TMEM132B: variants seen among roughly 807,000 people sequenced by gnomAD.
TMEM132B encodes the protein transmembrane protein 132B.
Under a neutral mutation model 90.8 loss-of-function variants are expected in TMEM132B, and 18 were observed. The ratio of observed to expected loss-of-function variants is 0.20; its 90% confidence interval spans 0.14 to 0.29. The LOEUF is 0.29. TMEM132B is among the 10% of genes least tolerant of loss of function. The pLI, the probability that TMEM132B is intolerant of heterozygous loss-of-function variation, is 1.00. For missense variants in TMEM132B, 1,096 were observed against 1,326.8 expected (o/e 0.83, Z 2.70); for synonymous variants, 504 against 523.3 (o/e 0.96, Z 0.50).
At chr12:125,395,576 A>G (rs1413772062) in intron 2 of TMEM132B, among the ~76,000 whole-genome samples, 1 of 152,236 alleles carries the variant, frequency 6.6e-6, no homozygotes, top group Admixed American at 6.5e-5. Flanking sequence ...TACAGACGGT[A>G]AAGTTATGTG....
At chr12:125,563,146 CGTA>C (rs1318514136) in intron 4 of TMEM132B, among the ~76,000 whole-genome samples, 1,171 of 92,528 alleles carry the variant, frequency 0.013, 9 homozygotes, top group South Asian at 0.037. Flanking sequence ...CACCATAATG[CGTA>C]ATAATAATAA....
chr12:125,238,366 C>CAAAAAAAAAAAAAAAAAA (rs762032967), intron 1 of TMEM132B, among the ~76,000 whole-genome samples: 11 of 111,574 alleles, frequency 9.9e-5, no homozygotes, highest in Non-Finnish European at 1.3e-4. Context: ...AAAAAAAAAC[C>CAAAAAAAAAAAAAAAAAA]AAAAAAAAAA....
chr12:125,346,061 C>T (rs903688335), intron 1 of TMEM132B, among the ~76,000 whole-genome samples: 2 of 152,096 alleles, frequency 1.3e-5, no homozygotes, highest in African/African-American at 2.4e-5. Flanking sequence ...TGGTAGCTGA[C>T]GTTTATGGCT....
At chr12:125,612,378 G>A (rs535589678) in intron 5 of TMEM132B, among the ~76,000 whole-genome samples, 13 of 151,650 alleles carry the variant, frequency 8.6e-5, no homozygotes, top group African/African-American at 2.7e-4. Context: ...CAGGAGAATC[G>A]CTTGAACCCG....
intron 3 of TMEM132B, among the ~76,000 whole-genome samples, chr12:125,423,161 A>G (rs77233637): frequency 0.021 from 3,124 of 152,318 alleles, 96 homozygotes; most frequent in African/African-American, 0.07. Context: ...CCTGGGAGAC[A>G]TGAATGAATG....
chr12:125,314,085 G>C (rs139839002), intron 1 of TMEM132B, among the ~76,000 whole-genome samples: 1 of 152,038 alleles, frequency 6.6e-6, no homozygotes, highest in Non-Finnish European at 1.5e-5. Flanking sequence ...CCTGGGCGGC[G>C]TGCGAACTCA....
At chr12:125,352,381 C>T (rs1877616278) in intron 2 of TMEM132B, among the ~76,000 whole-genome samples, 1 of 152,172 alleles carries the variant, frequency 6.6e-6, no homozygotes. Context: ...AAGTAGGGGA[C>T]TTCTATGTGC....
chr12:125,243,912 G>A (rs539425617), intron 1 of TMEM132B, among the ~76,000 whole-genome samples: 1 of 152,088 alleles, frequency 6.6e-6, no homozygotes, highest in East Asian at 1.9e-4. Context: ...AGCAGTCACC[G>A]CCAACGCCCC....
intron 1 of TMEM132B, among the ~76,000 whole-genome samples, chr12:125,260,289 C>T (rs945504742): frequency 6.6e-6 from 1 of 152,188 alleles, no homozygotes; most frequent in Admixed American, 6.5e-5. Context: ...TGAAATAGTT[C>T]CAGGGTTTGC....
At chr12:125,297,458 A>G (rs1401409509) in intron 1 of TMEM132B, among the ~76,000 whole-genome samples, 6 of 152,142 alleles carry the variant, frequency 3.9e-5, no homozygotes, top group Non-Finnish European at 5.9e-5. Context: ...TCCCAACACC[A>G]TCCATCCTCC....
At chr12:125,624,247 A>G (rs1004619377) in intron 5 of TMEM132B, among the ~76,000 whole-genome samples, 1 of 152,122 alleles carries the variant, frequency 6.6e-6, no homozygotes. Context: ...AGCTAGGGAG[A>G]TCTTTTGGAA....
rs74824119 is a variant in TMEM132B, at chr12:125,546,702, G to A, written c.1293+27077G>A. ...TATTCACTAGTTGAAGGACATTTGG[G>A]TTGCTTCCAGTTTTTATTACTAAAG... On this transcript the variant is annotated intron_variant, in intron 4 of 8. Transcript: ENST00000682704. Among the ~76,000 whole-genome samples, 5 of 152,214 alleles carry A rather than the reference G, an allele frequency of 3.3e-5. No homozygotes were observed. The South Asian group carries it at 1.0e-3, about 32-fold the overall frequency.
At chr12:125,571,906 C>T (rs147620181) in intron 4 of TMEM132B, among the ~76,000 whole-genome samples, 1,776 of 152,270 alleles carry the variant, frequency 0.012, 17 homozygotes, top group South Asian at 0.038. Flanking sequence ...TCTATTATTG[C>T]ACTAATATCC....
At chr12:125,517,167 CTT>C (rs371346721) in intron 3 of TMEM132B, among the ~76,000 whole-genome samples, 12,432 of 144,468 alleles carry the variant, frequency 0.086, 708 homozygotes, top group Non-Finnish European at 0.13. Context: ...CTCTCTCTCT[CTT>C]TTTTTTTTTT....
At chr12:125,572,335 A>G (rs572263141) in intron 4 of TMEM132B, among the ~76,000 whole-genome samples, 5 of 152,344 alleles carry the variant, frequency 3.3e-5, no homozygotes, top group East Asian at 1.9e-4. Flanking sequence ...CTCTGCCCTC[A>G]TGGATGAATT....
intron 1 of TMEM132B, among the ~76,000 whole-genome samples, chr12:125,299,558 C>A (rs995773684): frequency 7.2e-5 from 11 of 152,236 alleles, no homozygotes; most frequent in African/African-American, 2.7e-4. Flanking sequence ...CTAGAGCCTT[C>A]AGGAGCCACC....
At chr12:125,389,980 T>C (rs1878962511) in intron 2 of TMEM132B, among the ~76,000 whole-genome samples, 1 of 152,238 alleles carries the variant, frequency 6.6e-6, no homozygotes, top group Non-Finnish European at 1.5e-5. Flanking sequence ...CCTGTGTAAC[T>C]GTCACTCCGT....
chr12:125,224,934 T>G (rs1873643989), intron 1 of TMEM132B, among the ~76,000 whole-genome samples: 1 of 152,240 alleles, frequency 6.6e-6, no homozygotes, highest in Non-Finnish European at 1.5e-5. Flanking sequence ...GCATTCTTTC[T>G]TTCCTAACAG....
At chr12:125,281,735 G>C (rs1195861355) in intron 1 of TMEM132B, among the ~76,000 whole-genome samples, 1 of 152,108 alleles carries the variant, frequency 6.6e-6, no homozygotes. Flanking sequence ...CCTGTGTTAA[G>C]AAGACTTTTG....
Sources: gnomAD v4.1 joint callset for allele counts (sites outside exome capture counted in the v4.1 genomes callset) on GRCh38, gnomAD v4.1.1 for gene constraint, MANE v1.5 for transcripts, NCBI Gene and HGNC (gene_info 2026-07-23, HGNC 2026-07-21) for gene names.